Variants in KALRN observed in about 807,000 individuals in gnomAD.
KALRN encodes the protein kalirin.
A neutral mutation model predicts 353.7 loss-of-function variants in KALRN; 70 were observed. The ratio of observed to expected loss-of-function variants is 0.20; its 90% confidence interval spans 0.16 to 0.24. The LOEUF is 0.24. KALRN is among the 10% of genes least tolerant of loss of function. KALRN has a pLI of 1.00. For synonymous variants in KALRN, 1,391 were observed against 1,434.8 expected, an observed-to-expected ratio of 0.97 and a Z score of 0.69; for missense variants, 2,791 against 3,756.7, an observed-to-expected ratio of 0.74 and a Z score of 6.72.
At chr3:124,513,193 G>A (rs907615037) in intron 33 of KALRN, among the ~76,000 whole-genome samples, 1 of 152,166 alleles carries the variant, frequency 6.6e-6, no homozygotes, top group Non-Finnish European at 1.5e-5. Context: ...AGGGGGCTGG[G>A]AGCAGGAAGG....
At chr3:124,564,276 G>A (rs1054223278) in intron 34 of KALRN, among the ~76,000 whole-genome samples, 3 of 151,912 alleles carry the variant, frequency 2.0e-5, no homozygotes, top group Admixed American at 1.3e-4. Flanking sequence ...AACTACTCAG[G>A]GCATGGTGAG....
At position 124,446,852 on chromosome 3, in the gene KALRN, G is replaced by C. The variant is rs1560971851; in HGVS notation, c.3519G>C (p.Leu1173=). 6.2e-7 allele frequency: 1 copy of C among 1,614,100 alleles called. No individual in the cohort carries two copies. Among genetic ancestry groups the C allele is most frequent in the Non-Finnish European group, 8.5e-7 (1 of 1,179,984 alleles). Residue 1173 remains leucine, a synonymous_variant, in exon 21 of 60, where the codon CTG becomes CTC. Coordinates refer to ENST00000682506, the MANE Select transcript of KALRN (RefSeq NM_001388419.1). ...GETTEETQEL[L]KEYGEFRVPA... is the part of the protein sequence containing the mutation. ...CCACAGAGGAGACTCAGGAACTGCT[G>C]AAAGAATATGGGGAATTCAGGGTGC...
intron 1 of KALRN, chr3:124,152,286 T>G: frequency 8.0e-7 from 1 of 1,246,350 alleles, no homozygotes; most frequent in Non-Finnish European, 1.2e-6. Flanking sequence ...TATATGGTTC[T>G]ACAGTCCTCA....
chr3:124,384,049 G>A (rs1446325657), intron 10 of KALRN, among the ~76,000 whole-genome samples: 4 of 152,164 alleles, frequency 2.6e-5, no homozygotes, highest in Non-Finnish European at 5.9e-5. Context: ...AGCTGTATCT[G>A]CGGCAAATAA....
intron 1 of KALRN, among the ~76,000 whole-genome samples, chr3:124,223,717 C>T (rs2078173029): frequency 6.6e-6 from 1 of 152,216 alleles, no homozygotes; most frequent in Admixed American, 6.5e-5. Flanking sequence ...GGGGAATATA[C>T]TGCTACTCTA....
chr3:124,524,800 C>T (rs554841643), intron 33 of KALRN, among the ~76,000 whole-genome samples: 1 of 152,328 alleles, frequency 6.6e-6, no homozygotes, highest in East Asian at 1.9e-4. Flanking sequence ...ATATTTCAAA[C>T]TTATAATCCA....
chr3:124,633,874 A>G lies in KALRN; in HGVS notation c.5489A>G (p.Asp1830Gly). Reference protein sequence around the residue: ...ADESKKGWGEDEPDEESHTPL... With the variant: ...ADESKKGWGEGEPDEESHTPL... ...AAGAGCAAGAAAGGTTGGGGTGAAG[A>G]TGAGCCGGATGAAGAGTCACACACA... Residue 1830 changes from aspartate (D) to glycine (G), a missense_variant, in exon 36 of 60, where the codon GAT (aspartate) becomes GGT (glycine). Physicochemically the swap from Asp to Gly is moderately conservative, Grantham distance 94 (BLOSUM62 -1). Transcript: ENST00000682506. 1.2e-6 allele frequency: 2 copies of G among 1,614,064 alleles called. No individual in the cohort carries two copies. The highest frequency in any genetic ancestry group is 1.7e-6 in the Non-Finnish European group (2 of 1,179,964).
chr3:124,299,184 G>A (rs567546693), intron 6 of KALRN, among the ~76,000 whole-genome samples: 5 of 152,278 alleles, frequency 3.3e-5, no homozygotes, highest in South Asian at 4.1e-4. Flanking sequence ...CTAGAAGGGC[G>A]AGTTCCACCA....
intron 5 of KALRN, among the ~76,000 whole-genome samples, chr3:124,289,294 G>A (rs1294927172): frequency 1.3e-5 from 2 of 152,094 alleles, no homozygotes; most frequent in African/African-American, 4.8e-5. Flanking sequence ...ATGAAATTTG[G>A]GGGCACATTC....
Position 124,477,334 on chromosome 3 carries a change from T to C in KALRN, c.4191T>C (p.Asp1397=), listed in dbSNP as rs752539205. 1.2e-6 allele frequency: 2 copies of C among 1,610,808 alleles called. No individual in the cohort carries two copies. The highest frequency in any genetic ancestry group is 2.2e-5 in the East Asian group (1 of 44,850). ...TGGAGCATGCGGGCACCTTCTTTGA[T>C]GTAAGCTGTGTTTTCCATTCTTGAG... ...LILEHAGTFF[D]EIQQRHGLAN... Residue 1397 remains aspartate, a splice_region_variant and synonymous_variant, in exon 27 of 60, where the codon GAT becomes GAC. Coordinates refer to ENST00000682506, the MANE Select transcript of KALRN (RefSeq NM_001388419.1).
intron 1 of KALRN, among the ~76,000 whole-genome samples, chr3:124,140,559 G>T (rs2066491885): frequency 6.6e-6 from 1 of 152,212 alleles, no homozygotes; most frequent in African/African-American, 2.4e-5. Flanking sequence ...GCAAGATGCT[G>T]GGTGAGGTCT....
intron 23 of KALRN, among the ~76,000 whole-genome samples, chr3:124,460,084 G>A (rs1238281594): frequency 2.0e-5 from 3 of 152,132 alleles, no homozygotes; most frequent in Admixed American, 2.0e-4. Flanking sequence ...GTGCTCACGT[G>A]GCATAATCCC....
At chr3:124,354,254 C>T (rs191768780) in intron 10 of KALRN, among the ~76,000 whole-genome samples, 1 of 152,312 alleles carries the variant, frequency 6.6e-6, no homozygotes, top group East Asian at 1.9e-4. Context: ...GATTTGAAAG[C>T]ACAGGTGGTG....
chr3:124,518,130 T>G (rs900959734), intron 33 of KALRN, among the ~76,000 whole-genome samples: 2 of 152,214 alleles, frequency 1.3e-5, no homozygotes, highest in African/African-American at 4.8e-5. Flanking sequence ...TTAGTAAAAG[T>G]GGTTCATCAG....
intron 6 of KALRN, among the ~76,000 whole-genome samples, chr3:124,310,350 T>C (rs1255611496): frequency 2.0e-5 from 3 of 152,192 alleles, no homozygotes; most frequent in African/African-American, 4.8e-5. Flanking sequence ...AAATCCTTGA[T>C]CTATAAATCC....
intron 5 of KALRN, among the ~76,000 whole-genome samples, chr3:124,274,518 G>A (rs1451785259): frequency 1.3e-5 from 2 of 152,228 alleles, no homozygotes; most frequent in Non-Finnish European, 2.9e-5. Flanking sequence ...AAGCTATTCT[G>A]GAAAGGAGAA....
intron 1 of KALRN, among the ~76,000 whole-genome samples, chr3:124,137,070 G>A (rs556193089): frequency 1.3e-5 from 2 of 152,208 alleles, no homozygotes; most frequent in South Asian, 2.1e-4. Flanking sequence ...AGGAGGAAGA[G>A]GCTATGCTGA....
rs200792537 is a variant in KALRN at position 124,244,846 on chromosome 3, AT to A, written c.263+9912del. Among the ~76,000 whole-genome samples, 10 of 151,028 alleles carry A rather than the reference AT, an allele frequency of 6.6e-5. No homozygotes were observed. In the East Asian group the frequency reaches 1.6e-3, roughly 23 times the overall value. On this transcript the variant is annotated intron_variant, in intron 3 of 59. Coordinates refer to ENST00000682506, the MANE Select transcript of KALRN (RefSeq NM_001388419.1). ...GCTTTTTTTAGTTGTTACATATATAATTTTTTTTTGCTTTTTAAAAATTGAT... is the reference window on the plus strand; with the variant it reads ...GCTTTTTTTAGTTGTTACATATATAATTTTTTTTGCTTTTTAAAAATTGAT...
At chr3:124,243,071 C>G (rs2080694877) in intron 3 of KALRN, among the ~76,000 whole-genome samples, 2 of 152,184 alleles carry the variant, frequency 1.3e-5, no homozygotes, top group South Asian at 4.1e-4. Flanking sequence ...TCATCTTGTT[C>G]ATTTTCCTTG....
Sources: allele counts gnomAD v4.1 joint callset (sites outside exome capture counted in the v4.1 genomes callset), GRCh38; gene constraint gnomAD v4.1.1; transcripts MANE v1.5; gene names NCBI Gene and HGNC (gene_info 2026-07-23, HGNC 2026-07-21).